Variants in JMJD1C observed in about 807,000 individuals in gnomAD.
JMJD1C encodes jumonji domain containing 1C, also known as jumonji domain-containing protein 1C.
A neutral mutation model predicts 245.3 loss-of-function variants in JMJD1C; 31 were observed. That is an observed-to-expected ratio of 0.13 (90% CI 0.09 to 0.17). JMJD1C has a LOEUF of 0.17. Ranked by LOEUF, JMJD1C falls within the 10% of genes least tolerant of loss-of-function variation. The pLI, the probability that JMJD1C is intolerant of heterozygous loss-of-function variation, is 1.00. For missense variants in JMJD1C, 2,691 were observed against 3,000.2 expected (o/e 0.90, Z 2.41); for synonymous variants, 1,057 against 1,017.4 (o/e 1.04, Z -0.74).
intron 2 of JMJD1C, among the ~76,000 whole-genome samples, chr10:63,342,125 A>G (rs927878889): frequency 4.6e-5 from 7 of 152,274 alleles, no homozygotes; most frequent in East Asian, 1.9e-4. Flanking sequence ...AAGGAAGTAG[A>G]TAACGAAGAC....
chr10:63,486,101 G>A (rs1489765836), intron 1 of JMJD1C, among the ~76,000 whole-genome samples: 23 of 136,216 alleles, frequency 1.7e-4, no homozygotes, highest in Admixed American at 1.0e-3. Flanking sequence ...AGCCAAAGAC[G>A]TGGAGAAGGG....
At chr10:63,236,519 A>AT (rs1195590365) in intron 3 of JMJD1C, among the ~76,000 whole-genome samples, 1 of 152,170 alleles carries the variant, frequency 6.6e-6, no homozygotes, top group Admixed American at 6.5e-5. Flanking sequence ...CAAGCTATTT[A>AT]TTGGCATGAC....
chr10:63,480,134 A>T (rs2133182543), intron 1 of JMJD1C, among the ~76,000 whole-genome samples: 1 of 152,282 alleles, frequency 6.6e-6, no homozygotes, highest in Admixed American at 6.5e-5. Context: ...TGTAGTCCAG[A>T]GTTTGTCAAA....
intron 1 of JMJD1C, among the ~76,000 whole-genome samples, chr10:63,432,261 C>G (rs1364153373): frequency 6.6e-6 from 1 of 152,198 alleles, no homozygotes; most frequent in African/African-American, 2.4e-5. Flanking sequence ...CTTTATTCCA[C>G]CTCTAATACA....
At chr10:63,262,700 T>C (rs1003993766) in intron 3 of JMJD1C, among the ~76,000 whole-genome samples, 8 of 152,176 alleles carry the variant, frequency 5.3e-5, no homozygotes, top group African/African-American at 1.9e-4. Context: ...GAGGGTGACT[T>C]AGTATATACA....
At chr10:63,253,681 C>T (rs1381097390) in intron 3 of JMJD1C, among the ~76,000 whole-genome samples, 3 of 152,052 alleles carry the variant, frequency 2.0e-5, no homozygotes, top group Non-Finnish European at 2.9e-5. Flanking sequence ...CCACCGCGCC[C>T]GGCCTCATTT....
chr10:63,373,517 T>G (rs1350488812), intron 2 of JMJD1C, among the ~76,000 whole-genome samples: 4 of 152,120 alleles, frequency 2.6e-5, no homozygotes, highest in Non-Finnish European at 5.9e-5. Flanking sequence ...GTATAAGAGG[T>G]AGACAAGATA....
intron 2 of JMJD1C, among the ~76,000 whole-genome samples, chr10:63,277,789 G>A (rs1389230789): frequency 1.1e-4 from 14 of 121,782 alleles, no homozygotes; most frequent in Admixed American, 1.0e-3. Context: ...CCAGGCTGGA[G>A]TGCAATCTTG....
intron 1 of JMJD1C, among the ~76,000 whole-genome samples, chr10:63,473,643 T>C (rs775714874): frequency 2.0e-5 from 3 of 152,228 alleles, no homozygotes; most frequent in Admixed American, 6.5e-5. Context: ...CCTCAAGATA[T>C]GAACTTATTG....
chr10:63,403,563 A>T (rs1448376643), intron 1 of JMJD1C, among the ~76,000 whole-genome samples: 1 of 152,246 alleles, frequency 6.6e-6, no homozygotes, highest in Non-Finnish European at 1.5e-5. Flanking sequence ...TGACAACAAA[A>T]GGACTTAACA....
At chr10:63,318,163 C>G (rs7089990) in intron 2 of JMJD1C, among the ~76,000 whole-genome samples, 6,644 of 152,180 alleles carry the variant, frequency 0.044, 211 homozygotes, top group South Asian at 0.11. Context: ...CCTGCCAACA[C>G]GCCCAGCTAA....
chr10:63,506,662 A>G (rs1332793121), intron 1 of JMJD1C, among the ~76,000 whole-genome samples: 1 of 152,148 alleles, frequency 6.6e-6, no homozygotes, highest in Non-Finnish European at 1.5e-5. Flanking sequence ...TGGAAAGTAC[A>G]GAGTTCCCAT....
intron 2 of JMJD1C, among the ~76,000 whole-genome samples, chr10:63,330,182 G>A (rs541289346): frequency 2.3e-4 from 35 of 152,062 alleles, no homozygotes; most frequent in Admixed American, 9.8e-4. Context: ...GACTACAGGC[G>A]TGAGCCACCA....
intron 1 of JMJD1C, chr10:63,427,944 T>C: frequency 2.8e-6 from 2 of 707,234 alleles, no homozygotes; most frequent in Non-Finnish European, 2.6e-6. Context: ...GCAGCAGCAG[T>C]TTGTGTGGCC....
At chr10:63,243,903 C>T (rs544280664) in intron 3 of JMJD1C, among the ~76,000 whole-genome samples, 2 of 152,028 alleles carry the variant, frequency 1.3e-5, no homozygotes, top group East Asian at 3.9e-4. Flanking sequence ...CTGCAGTGCC[C>T]CTCCCAGCAA....
At chr10:63,304,502 G>A (rs903397831) in intron 2 of JMJD1C, among the ~76,000 whole-genome samples, 8 of 152,154 alleles carry the variant, frequency 5.3e-5, no homozygotes, top group East Asian at 1.9e-4. Flanking sequence ...AATAAAAGAC[G>A]TGGGATTTAA....
chr10:63,194,552 G>T, intron 13 of JMJD1C, 177 bp from the exon 14 acceptor site: 1 of 479,112 alleles, frequency 2.1e-6, no homozygotes, highest in Non-Finnish European at 3.7e-6. Flanking sequence ...TTAGATGTTT[G>T]GTTCTGAAAC....
At position 63,279,925 on chromosome 10, in the gene JMJD1C, T is replaced by C. The variant is rs1166748164; in HGVS notation, c.334-15161A>G. 2.0e-5 allele frequency among the ~76,000 whole-genome samples: 3 copies of C among 150,660 alleles called. No individual in the cohort carries two copies. The East Asian group carries it at 5.9e-4, about 30-fold the overall frequency. The stretch of plus-strand genomic sequence containing the variant: ...CAGCACTTTGGGAGGCCGAAGTGGG[T>C]GATCACCTCAGGTCAGGAGCTCAAG... On this transcript the variant is annotated intron_variant, in intron 2 of 25. Coordinates refer to ENST00000399262, the MANE Select transcript of JMJD1C (RefSeq NM_032776.3).
chr10:63,336,926 C>T (rs776819985), intron 2 of JMJD1C, among the ~76,000 whole-genome samples: 15 of 151,970 alleles, frequency 9.9e-5, no homozygotes, highest in Non-Finnish European at 1.6e-4. Context: ...CTGCAACCTC[C>T]GCCTTCTGTG....
Sources: gnomAD v4.1 joint callset for allele counts (sites outside exome capture counted in the v4.1 genomes callset) on GRCh38, gnomAD v4.1.1 for gene constraint, MANE v1.5 for transcripts, NCBI Gene and HGNC (gene_info 2026-07-23, HGNC 2026-07-21) for gene names.